KCNB2: variants seen among roughly 807,000 people sequenced by gnomAD.
The protein encoded by KCNB2 is delayed rectifier potassium channel protein.
In KCNB2, 15 loss-of-function variants were observed where a neutral mutation model predicts 61.5. The observed-to-expected ratio is 0.24, with a 90% CI of 0.16 to 0.38. The LOEUF is 0.38. Among genes scored for constraint, KCNB2 ranks in the 10% least tolerant of loss-of-function variants. The pLI, the probability that KCNB2 is intolerant of heterozygous loss-of-function variation, is 1.00. For synonymous variants in KCNB2, 457 were observed against 446.0 expected (o/e 1.02, Z -0.31); for missense variants, 828 against 1,125.2 (o/e 0.74, Z 3.78).
intron 2 of KCNB2, among the ~76,000 whole-genome samples, chr8:72,758,639 T>C (rs1021430767): frequency 2.6e-5 from 4 of 152,216 alleles, no homozygotes; most frequent in African/African-American, 9.6e-5. Context: ...AGTCTTCATT[T>C]CCATTTTGAA....
chr8:72,538,746 A>AT (rs1397743412), intron 1 of KCNB2, among the ~76,000 whole-genome samples: 1 of 152,070 alleles, frequency 6.6e-6, no homozygotes, highest in South Asian at 2.1e-4. Flanking sequence ...ATCGTATCAC[A>AT]TTTTCATTTT....
At chr8:72,679,496 A>G (rs890246902) in intron 2 of KCNB2, among the ~76,000 whole-genome samples, 19 of 152,258 alleles carry the variant, frequency 1.2e-4, no homozygotes, top group African/African-American at 4.3e-4. Context: ...AGAGGAGAGC[A>G]ACATGCATTC....
chr8:72,657,404 C>A (rs1025003493), intron 2 of KCNB2, among the ~76,000 whole-genome samples: 1 of 151,970 alleles, frequency 6.6e-6, no homozygotes, highest in Non-Finnish European at 1.5e-5. Context: ...TTAAGTGTAG[C>A]CCTAGTTACA....
At chr8:72,576,298 G>A (rs1281443141) in intron 2 of KCNB2, among the ~76,000 whole-genome samples, 1 of 152,162 alleles carries the variant, frequency 6.6e-6, no homozygotes, top group Admixed American at 6.5e-5. Context: ...TGGTGTGTAG[G>A]AGCTAGTGAC....
chr8:72,921,872 T>C (rs13279741), intron 2 of KCNB2, among the ~76,000 whole-genome samples: 73,395 of 152,020 alleles, frequency 0.48, 18,772 homozygotes, highest in Middle Eastern at 0.6. Flanking sequence ...CCCCTATGAC[T>C]TTCCTCTCCT....
chr8:72,938,089 T>C lies in KCNB2; in HGVS notation c.2734T>C (p.Ter912ArgextTer8), dbSNP rs1563431999. The C allele has an allele frequency of 6.3e-7, 1 of 1,583,668 alleles. No individual in the cohort carries two copies. Among genetic ancestry groups the C allele is most frequent in the Non-Finnish European group, 8.6e-7 (1 of 1,165,312 alleles). The change falls in exon 3 of 3, where the codon TGA becomes CGA. Residue 912 changes from the stop codon to arginine, a stop_lost. Coordinates refer to ENST00000523207, the MANE Select transcript of KCNB2 (RefSeq NM_004770.3). ...TTGTCCCACACGTGAAACCAGCATG[T>C]GACTAGTTACAAAAGCAATAAATTG... The part of the protein sequence containing the change: ...GYCPTRETSM[*>R]
chr8:72,844,358 G>T (rs12541977), intron 2 of KCNB2, among the ~76,000 whole-genome samples: 129,758 of 152,116 alleles, frequency 0.85, 56,305 homozygotes, highest in Middle Eastern at 0.97. Context: ...TTTCTCTCTG[G>T]CTGCCCTTAA....
At chr8:72,730,410 A>T (rs1807721445) in intron 2 of KCNB2, among the ~76,000 whole-genome samples, 1 of 152,246 alleles carries the variant, frequency 6.6e-6, no homozygotes, top group African/African-American at 2.4e-5. Flanking sequence ...TACTAAAATC[A>T]TATTAGGAAA....
At chr8:72,850,804 G>T (rs1810088526) in intron 2 of KCNB2, among the ~76,000 whole-genome samples, 1 of 152,142 alleles carries the variant, frequency 6.6e-6, no homozygotes, top group Non-Finnish European at 1.5e-5. Context: ...CTAACCTCTT[G>T]CCATTTATAT....
At chr8:72,734,143 C>A (rs1232404009) in intron 2 of KCNB2, among the ~76,000 whole-genome samples, 1 of 152,156 alleles carries the variant, frequency 6.6e-6, no homozygotes, top group African/African-American at 2.4e-5. Flanking sequence ...TCATTATCAA[C>A]TGTAGCATAG....
At chr8:72,831,067 C>G (rs17187471) in intron 2 of KCNB2, among the ~76,000 whole-genome samples, 5 of 152,200 alleles carry the variant, frequency 3.3e-5, no homozygotes, top group African/African-American at 9.6e-5. Context: ...CCCTCTTAAC[C>G]TTCTGCTTTA....
At chr8:72,703,060 A>G (rs957289857) in intron 2 of KCNB2, among the ~76,000 whole-genome samples, 2 of 152,180 alleles carry the variant, frequency 1.3e-5, no homozygotes, top group South Asian at 2.1e-4. Flanking sequence ...TGGAGCAACA[A>G]TTGAGAGCTC....
intron 2 of KCNB2, among the ~76,000 whole-genome samples, chr8:72,667,548 G>A (rs958609183): frequency 1.3e-5 from 2 of 152,006 alleles, no homozygotes; most frequent in Admixed American, 6.6e-5. Flanking sequence ...CAGAAACCTA[G>A]GAATCATCTG....
At chr8:72,571,095 T>C (rs1806700687) in intron 2 of KCNB2, among the ~76,000 whole-genome samples, 1 of 152,222 alleles carries the variant, frequency 6.6e-6, no homozygotes, top group Non-Finnish European at 1.5e-5. Context: ...ATTTGCCAGA[T>C]CCCTAGTATG....
chr8:72,775,724 T>TAA (rs59529067), intron 2 of KCNB2, among the ~76,000 whole-genome samples: 3,872 of 145,766 alleles, frequency 0.027, 60 homozygotes, highest in African/African-American at 0.037. Context: ...GAATGAGCTT[T>TAA]AAAAAAAAAA....
chr8:72,665,323 C>G (rs1030348840), intron 2 of KCNB2, among the ~76,000 whole-genome samples: 10 of 152,076 alleles, frequency 6.6e-5, no homozygotes, highest in African/African-American at 2.4e-4. Context: ...GTCTCCAAGG[C>G]TTTTAGCTGC....
chr8:72,583,030 T>C (rs965252720), intron 2 of KCNB2, among the ~76,000 whole-genome samples: 8 of 152,128 alleles, frequency 5.3e-5, no homozygotes, highest in Non-Finnish European at 1.2e-4. Flanking sequence ...GGGAACTGAC[T>C]TTCATTGTAA....
intron 2 of KCNB2, among the ~76,000 whole-genome samples, chr8:72,648,965 GT>G (rs1288197825): frequency 1.3e-5 from 2 of 151,414 alleles, no homozygotes; most frequent in South Asian, 2.1e-4. Flanking sequence ...CATTGTGCAA[GT>G]TTTTTTATTT....
chr8:72,666,344 G>T (rs200728432), intron 2 of KCNB2, among the ~76,000 whole-genome samples: 1 of 151,910 alleles, frequency 6.6e-6, no homozygotes, highest in Non-Finnish European at 1.5e-5. Context: ...GGGAAAAAAG[G>T]CCCTTCCACT....
Sources: gnomAD v4.1 joint callset for allele counts (sites outside exome capture counted in the v4.1 genomes callset) on GRCh38, gnomAD v4.1.1 for gene constraint, MANE v1.5 for transcripts, NCBI Gene and HGNC (gene_info 2026-07-23, HGNC 2026-07-21) for gene names.